DAB1: variants seen among roughly 807,000 people sequenced by gnomAD.
DAB1 encodes DAB adaptor protein 1.
A neutral mutation model predicts 64.6 loss-of-function variants in DAB1; 15 were observed. The observed-to-expected ratio is 0.23, with a 90% confidence interval of 0.16 to 0.36. The LOEUF is 0.36. Among genes scored for constraint, DAB1 ranks in the 10% least tolerant of loss-of-function variants. DAB1 has a pLI of 1.00. For synonymous variants in DAB1, 235 were observed against 251.9 expected (o/e 0.93, Z 0.64); for missense variants, 596 against 706.7 (o/e 0.84, Z 1.78).
At chr1:58,494,477 AG>A (rs1645758290) in intron 3 of DAB1, among the ~76,000 whole-genome samples, 1 of 152,248 alleles carries the variant, frequency 6.6e-6, no homozygotes, top group Non-Finnish European at 1.5e-5. Flanking sequence ...CAGAGTGAAC[AG>A]GCAACCTACA....
chr1:57,566,112 T>C (rs11207061), intron 7 of DAB1, among the ~76,000 whole-genome samples: 133,479 of 152,184 alleles, frequency 0.88, 60,176 homozygotes, highest in East Asian at 1. Flanking sequence ...GAACTCAGGA[T>C]TAAGAAACTC....
intron 1 of DAB1, among the ~76,000 whole-genome samples, chr1:57,831,644 G>C (rs982363204): frequency 6.8e-5 from 10 of 147,628 alleles, no homozygotes; most frequent in Non-Finnish European, 1.5e-4. Flanking sequence ...TGGGGAACAA[G>C]TGATCCTCCC....
intron 5 of DAB1, among the ~76,000 whole-genome samples, chr1:57,957,603 G>T (rs1035971550): frequency 6.6e-6 from 1 of 152,166 alleles, no homozygotes; most frequent in Non-Finnish European, 1.5e-5. Flanking sequence ...AAAACTACAA[G>T]ACTGTATGGG....
chr1:57,176,970 T>TACAAA (rs146465598), intron 2 of DAB1, among the ~76,000 whole-genome samples: 1,079 of 60,908 alleles, frequency 0.018, 81 homozygotes, highest in African/African-American at 0.039. Flanking sequence ...CAGCAGCAGA[T>TACAAA]ATAAAAAAAA....
At chr1:57,928,669 C>A (rs116558797) in intron 5 of DAB1, among the ~76,000 whole-genome samples, 3 of 152,170 alleles carry the variant, frequency 2.0e-5, no homozygotes, top group Non-Finnish European at 2.9e-5. Flanking sequence ...AAAGTTTTGC[C>A]TTTTCCACAA....
chr1:58,162,405 CTTTT>C (rs926540562), intron 4 of DAB1, among the ~76,000 whole-genome samples: 1 of 151,042 alleles, frequency 6.6e-6, no homozygotes, highest in Admixed American at 6.6e-5. Flanking sequence ...TTCTGCCTTT[CTTTT>C]TCTTTTAAAT....
rs1205368237 is a variant in DAB1 at position 57,584,446 on chromosome 1, G to A, written n.625+65146C>T. On this transcript the variant is annotated intron_variant and non_coding_transcript_variant, in intron 7 of 20. Coordinates refer to the DAB1 transcript ENST00000485760. ...CTGCTAAGATGCAGCAGATCTCTCTGGGTCCTTGGAATAGTGTGCTCCTTC... is the reference window on the plus strand; with the variant it reads ...CTGCTAAGATGCAGCAGATCTCTCTAGGTCCTTGGAATAGTGTGCTCCTTC... Among the ~76,000 whole-genome samples the A allele has an allele frequency of 2.0e-5, 3 of 152,080 alleles. No homozygotes were observed. In the East Asian group the frequency reaches 5.8e-4, roughly 29 times the overall value.
At chr1:58,508,478 A>G (rs968915666) in intron 2 of DAB1, among the ~76,000 whole-genome samples, 4 of 152,190 alleles carry the variant, frequency 2.6e-5, no homozygotes, top group African/African-American at 9.7e-5. Flanking sequence ...GAAATGAACA[A>G]CATCAAACCT....
intron 2 of DAB1, among the ~76,000 whole-genome samples, chr1:57,243,831 C>G (rs900026563): frequency 5.3e-5 from 8 of 152,136 alleles, no homozygotes; most frequent in Non-Finnish European, 1.0e-4. Context: ...CACAGGAGCC[C>G]TAGTTATCAT....
rs142679107 is a variant in DAB1 at position 57,873,779 on chromosome 1, ATAGATG to A, written n.87+10214_87+10219del. ...AGTATTCGTCTTATAGGATTATTGT[ATAGATG>A]TAAAGTTCTTATCACAATAATACTA... On this transcript the variant is annotated intron_variant and non_coding_transcript_variant, in intron 1 of 1. Coordinates refer to the DAB1 transcript ENST00000477280. Among the ~76,000 whole-genome samples the A allele has an allele frequency of 5.1e-3, 774 of 152,294 alleles. 4 individuals are homozygous for A. Among genetic ancestry groups the A allele is most frequent in the African/African-American group, 0.017 (692 of 41,580 alleles).
At chr1:58,460,723 G>C (rs12040053) in intron 3 of DAB1, among the ~76,000 whole-genome samples, 1 of 152,034 alleles carries the variant, frequency 6.6e-6, no homozygotes, top group Non-Finnish European at 1.5e-5. Context: ...CACCCAGACA[G>C]TGTGTATAAT....
chr1:57,291,607 C>T (rs541419466), intron 1 of DAB1, among the ~76,000 whole-genome samples: 1 of 152,126 alleles, frequency 6.6e-6, no homozygotes, highest in Non-Finnish European at 1.5e-5. Flanking sequence ...GTCTGTCCCT[C>T]ACTGGCAGGC....
intron 3 of DAB1, among the ~76,000 whole-genome samples, chr1:57,138,779 C>T (rs1026579064): frequency 6.6e-6 from 1 of 152,178 alleles, no homozygotes; most frequent in South Asian, 2.1e-4. Flanking sequence ...ACCCTTTATG[C>T]CAAATTGCAT....
chr1:57,244,806 T>C (rs756756962), intron 2 of DAB1, among the ~76,000 whole-genome samples: 2 of 152,254 alleles, frequency 1.3e-5, no homozygotes, highest in Admixed American at 6.5e-5. Flanking sequence ...CTATAATTTA[T>C]GTAGACTCAT....
intron 5 of DAB1, among the ~76,000 whole-genome samples, chr1:58,117,215 C>G (rs544291798): frequency 1.3e-5 from 2 of 152,166 alleles, no homozygotes; most frequent in African/African-American, 2.4e-5. Flanking sequence ...GCTTCCCTGC[C>G]TACCAAAAGA....
chr1:57,830,290 A>G (rs1652530054), intron 1 of DAB1, among the ~76,000 whole-genome samples: 1 of 152,232 alleles, frequency 6.6e-6, no homozygotes, highest in Non-Finnish European at 1.5e-5. Flanking sequence ...TTATCAATTA[A>G]CACGTTCTTA....
At chr1:58,461,971 G>A (rs567899638) in intron 3 of DAB1, among the ~76,000 whole-genome samples, 3 of 152,166 alleles carry the variant, frequency 2.0e-5, no homozygotes. Context: ...GCTCTCCCTT[G>A]TATGCTACAG....
chr1:57,367,118 T>TAAAAAAATAAAATA lies in DAB1; in HGVS notation c.-137+56811_-137+56812insTATTTTATTTTTTT, dbSNP rs200326231. Among the ~76,000 whole-genome samples, 16 of 130,034 alleles carry TAAAAAAATAAAATA rather than the reference T, an allele frequency of 1.2e-4. 1 individual carries two copies. The East Asian group carries it at 4.2e-3, about 34-fold the overall frequency. 85.3% of individuals were successfully genotyped at this position (130,034 alleles called of 152,430 possible). ...TAAAATAAAATAAAATAAAATAAAA[T>TAAAAAAATAAAATA]AAATAAATTAGCCAGGCATGGTGCC... is the stretch of plus-strand genomic sequence containing the variant. On this transcript the variant is annotated intron_variant, in intron 1 of 14. Coordinates refer to ENST00000371236, the MANE Select transcript of DAB1 (RefSeq NM_001365792.1).
At chr1:58,162,314 T>C (rs1412823518) in intron 4 of DAB1, among the ~76,000 whole-genome samples, 2 of 152,234 alleles carry the variant, frequency 1.3e-5, no homozygotes, top group African/African-American at 4.8e-5. Flanking sequence ...CTTAAGTCTC[T>C]GTCAGCCCAC....
Sources: gnomAD v4.1 joint callset for allele counts (sites outside exome capture counted in the v4.1 genomes callset) on GRCh38, gnomAD v4.1.1 for gene constraint, MANE v1.5 for transcripts, NCBI Gene and HGNC (gene_info 2026-07-23, HGNC 2026-07-21) for gene names.